Variants in ABHD2 observed in about 807,000 individuals in gnomAD.
The protein encoded by ABHD2 is monoacylglycerol lipase ABHD2.
A neutral mutation model predicts 48.1 loss-of-function variants in ABHD2; 20 were observed. The observed-to-expected ratio is 0.42, with a 90% CI of 0.29 to 0.60. ABHD2 has a LOEUF of 0.60. ABHD2 is among the 20% of genes least tolerant of loss of function. The pLI is 0.24. For missense variants in ABHD2, 405 were observed against 550.9 expected (o/e 0.74, Z 2.65); for synonymous variants, 209 against 214.2 (o/e 0.98, Z 0.21).
At chr15:89,062,139 A>G in the ABHD2 span, among the ~76,000 whole-genome samples, 3 of 152,234 alleles carry the variant, frequency 2.0e-5, no homozygotes, top group South Asian at 6.2e-4. Context: ...CAGCACACAG[A>G]TGGAAAGAAA....
intron 3 of ABHD2, among the ~76,000 whole-genome samples, chr15:89,143,315 G>A (rs946025447): frequency 4.6e-5 from 7 of 152,142 alleles, no homozygotes; most frequent in African/African-American, 1.2e-4. Context: ...TTCTTTGAAC[G>A]AACCACTGGG....
At chr15:89,065,341 AG>A in the ABHD2 span, among the ~76,000 whole-genome samples, 1 of 152,202 alleles carries the variant, frequency 6.6e-6, no homozygotes, top group Admixed American at 6.5e-5. Flanking sequence ...ATGTTAATTA[AG>A]GGTGTAGAAT....
At position 89,151,096 on chromosome 15, in the gene ABHD2, A is replaced by G. The variant is rs547188934; in HGVS notation, c.195-581A>G. On this transcript the variant is annotated intron_variant, in intron 3 of 10. Transcript: ENST00000352732. This position sits in a 1 kb window ranked among gnomAD's most constrained non-coding sequence, Gnocchi z 4.7. ...TCAATCCAACAAATATTTACACTGC[A>G]CTGCCCTTACAGCATATTCTCTGGA... Among the ~76,000 whole-genome samples, 9 of 152,328 alleles carry G rather than the reference A, an allele frequency of 5.9e-5. No individual in the cohort carries two copies. The highest frequency in any genetic ancestry group is 9.6e-5 in the African/African-American group (4 of 41,574).
the ABHD2 span, among the ~76,000 whole-genome samples, chr15:89,042,587 C>CTTTTTTAT: frequency 2.1e-5 from 3 of 141,920 alleles, no homozygotes; most frequent in African/African-American, 5.2e-5. Context: ...TTCTTTCTTT[C>CTTTTTTAT]TTATTTATTT....
At chr15:89,152,605 C>G (rs186462844) in intron 4 of ABHD2, among the ~76,000 whole-genome samples, 1 of 152,114 alleles carries the variant, frequency 6.6e-6, no homozygotes, top group Non-Finnish European at 1.5e-5. Flanking sequence ...AACTGAAGCT[C>G]GGAGATGCAG....
Position 89,201,754 on chromosome 15 carries a change from G to C in ABHD2, c.*6331G>C. On this transcript the variant is annotated 3_prime_UTR_variant, in exon 11 of 11. Coordinates refer to ENST00000352732, the MANE Select transcript of ABHD2 (RefSeq NM_152924.5). ...AATTTGAGGTCTATGGGCGGGTCGA[G>C]GACCAGGATCTGCTCGTGCTTCGCC... 1 of 1,551,828 alleles carries C rather than the reference G, an allele frequency of 6.4e-7. No individual in the cohort carries two copies. The highest frequency in any genetic ancestry group is 8.9e-7 in the Non-Finnish European group (1 of 1,124,300).
chr15:89,057,639 C>T, the ABHD2 span, among the ~76,000 whole-genome samples: 1 of 152,278 alleles, frequency 6.6e-6, no homozygotes, highest in Non-Finnish European at 1.5e-5. Context: ...GAGGCAGGCC[C>T]CGTTGGGCTC....
chr15:89,111,957 T>TA (rs1567071727), intron 1 of ABHD2, among the ~76,000 whole-genome samples: 5 of 151,302 alleles, frequency 3.3e-5, no homozygotes, highest in African/African-American at 1.2e-4. Flanking sequence ...ATATATATAT[T>TA]GATTGTATAT....
the ABHD2 span, among the ~76,000 whole-genome samples, chr15:89,076,307 C>G: frequency 4.6e-5 from 7 of 152,316 alleles, no homozygotes; most frequent in Admixed American, 4.6e-4. Context: ...AATCTTTCAT[C>G]TCAACACTCG....
chr15:89,160,492 G>GT (rs34084756), intron 5 of ABHD2, among the ~76,000 whole-genome samples: 17,404 of 143,912 alleles, frequency 0.12, 1,096 homozygotes, highest in South Asian at 0.2. Flanking sequence ...CTGCCTACCT[G>GT]TTTTTTTTTT....
intron 3 of ABHD2, among the ~76,000 whole-genome samples, chr15:89,140,192 C>T (rs2050379535): frequency 6.6e-6 from 1 of 152,192 alleles, no homozygotes; most frequent in African/African-American, 2.4e-5. Context: ...GGCTTCCACT[C>T]ACGTGCTATG....
In ABHD2 at chr15:89,151,539, A is replaced by C; in HGVS notation, c.195-138A>C. The C allele has an allele frequency of 3.4e-6, 3 of 872,846 alleles. No individual in the cohort carries two copies. Among genetic ancestry groups the C allele is most frequent in the Non-Finnish European group, 5.2e-6 (3 of 571,972 alleles). 54.1% of individuals were successfully genotyped at this position (872,846 alleles called of 1,614,324 possible). On this transcript the variant is annotated intron_variant, in intron 3 of 10. Transcript: ENST00000352732. The surrounding 1 kb of genome is among the most constrained non-coding windows in gnomAD (Gnocchi z 4.7). ...GTAAATCATGGCACGGATGTAACGT[A>C]ATAAAAGCCTCATGTTTATGCTTTG...
rs2051243265 is a variant in ABHD2 at position 89,188,170 on chromosome 15, G to T, written c.816-23G>T. ...GTTCATCCTCCACATCTTAATCTCT[G>T]TTTGCTTTTGTGTTTGCTCTAGGCA... On this transcript the variant is annotated intron_variant, in intron 7 of 10. Coordinates refer to ENST00000352732, the MANE Select transcript of ABHD2 (RefSeq NM_152924.5). The surrounding 1 kb of genome is among the most constrained non-coding windows in gnomAD (Gnocchi z 4.1). The T allele has an allele frequency of 6.2e-7, 1 of 1,603,672 alleles. No individual in the cohort carries two copies. The highest frequency in any genetic ancestry group is 8.5e-7 in the Non-Finnish European group (1 of 1,170,636).
At chr15:89,060,382 C>T in the ABHD2 span, among the ~76,000 whole-genome samples, 3 of 147,916 alleles carry the variant, frequency 2.0e-5, no homozygotes, top group Admixed American at 2.0e-4. Context: ...TGCACCACCT[C>T]GCCCGGCCAG....
Position 89,177,411 on chromosome 15 carries a change from A to G in ABHD2, c.722+1416A>G, listed in dbSNP as rs188412322. 1.1e-4 allele frequency among the ~76,000 whole-genome samples: 16 copies of G among 152,214 alleles called. No homozygotes were observed. Among genetic ancestry groups the G allele is most frequent in the Non-Finnish European group, 2.2e-4 (15 of 68,044 alleles). On this transcript the variant is annotated intron_variant, in intron 6 of 10. Transcript: ENST00000352732. The surrounding 1 kb of genome is among the most constrained non-coding windows in gnomAD (Gnocchi z 5.6). ...TGACTGCCTCACTTCATAAGGAATC[A>G]CTTGGAGGATCATGTTAGAAAGAAA...
chr15:89,178,221 G>A (rs1211127573), intron 6 of ABHD2, among the ~76,000 whole-genome samples: 1 of 152,250 alleles, frequency 6.6e-6, no homozygotes, highest in Non-Finnish European at 1.5e-5. Flanking sequence ...CACCAGGTCA[G>A]AGAGACACTG....
At chr15:89,049,894 T>G in the ABHD2 span, among the ~76,000 whole-genome samples, 1 of 152,208 alleles carries the variant, frequency 6.6e-6, no homozygotes, top group Non-Finnish European at 1.5e-5. Flanking sequence ...CTGTTCCTAT[T>G]CGGCCATCTT....
chr15:89,181,216 G>A (rs866067195), intron 6 of ABHD2, among the ~76,000 whole-genome samples: 51 of 103,398 alleles, frequency 4.9e-4, no homozygotes, highest in East Asian at 6.9e-4. Context: ...GGGACAGAGC[G>A]AGACTCTGTC....
intron 3 of ABHD2, among the ~76,000 whole-genome samples, chr15:89,148,494 T>A (rs2050535190): frequency 2.6e-5 from 4 of 152,252 alleles, no homozygotes; most frequent in Admixed American, 1.3e-4. Context: ...CCTTCGTTAT[T>A]GGTGGGAATG....
Sources: gnomAD v4.1 joint callset for allele counts (sites outside exome capture counted in the v4.1 genomes callset) on GRCh38, gnomAD v4.1.1 for gene constraint, Gnocchi (gnomAD v3.1) non-coding constraint, MANE v1.5 for transcripts, NCBI Gene and HGNC (gene_info 2026-07-23, HGNC 2026-07-21) for gene names.